SUPT3H: variants seen among roughly 807,000 people sequenced by gnomAD.
SUPT3H encodes transcription initiation protein SPT3 homolog.
Under a neutral mutation model 44.3 loss-of-function variants are expected in SUPT3H, and 44 were observed. That is an observed-to-expected ratio of 0.99 (90% confidence interval 0.78 to 1.28). SUPT3H has a LOEUF of 1.28. Among genes scored for constraint, SUPT3H ranks in the 50% most tolerant of loss-of-function variants. The pLI, the probability that SUPT3H is intolerant of heterozygous loss-of-function variation, is 0.00. For synonymous variants in SUPT3H, 124 were observed against 125.6 expected (o/e 0.99, Z 0.09); for missense variants, 380 against 387.1 (o/e 0.98, Z 0.15).
At chr6:45,369,367 C>T (rs1304957159) in intron 1 of SUPT3H, among the ~76,000 whole-genome samples, 2 of 152,122 alleles carry the variant, frequency 1.3e-5, no homozygotes, top group Non-Finnish European at 2.9e-5. Flanking sequence ...GATATGTAAA[C>T]AAAAGAAATT....
chr6:45,239,360 A>C (rs564829900), intron 2 of SUPT3H, among the ~76,000 whole-genome samples: 2 of 152,346 alleles, frequency 1.3e-5, no homozygotes, highest in African/African-American at 4.8e-5. Flanking sequence ...GCAGTATCTA[A>C]TGCTACACAC....
chr6:45,034,302 C>T (rs1432090544), intron 3 of SUPT3H, among the ~76,000 whole-genome samples: 1 of 151,866 alleles, frequency 6.6e-6, no homozygotes, highest in Non-Finnish European at 1.5e-5. Flanking sequence ...CTCAGAGCTC[C>T]CCAGTCCCCT....
chr6:45,123,333 C>A (rs1339665279), intron 2 of SUPT3H, among the ~76,000 whole-genome samples: 1 of 151,402 alleles, frequency 6.6e-6, no homozygotes, highest in Admixed American at 6.6e-5. Flanking sequence ...CAAAAATCAT[C>A]AATTTTTTTA....
chr6:45,284,860 C>T (rs917263399), intron 2 of SUPT3H, among the ~76,000 whole-genome samples: 11 of 152,094 alleles, frequency 7.2e-5, no homozygotes, highest in South Asian at 2.1e-4. Context: ...ACTGGCAAAC[C>T]GAATTCAGCA....
chr6:44,999,840 A>G (rs1346918930), intron 6 of SUPT3H, among the ~76,000 whole-genome samples: 1 of 151,928 alleles, frequency 6.6e-6, no homozygotes, highest in Non-Finnish European at 1.5e-5. Context: ...GTAACATAAA[A>G]TTATTGCCTT....
chr6:44,954,765 G>A (rs1283686884), intron 7 of SUPT3H, among the ~76,000 whole-genome samples, 158 bp from the exon 8 acceptor site: 1 of 152,142 alleles, frequency 6.6e-6, no homozygotes, highest in East Asian at 1.9e-4. Flanking sequence ...CTGGCCCCAA[G>A]AAATCCAAGT....
intron 2 of SUPT3H, among the ~76,000 whole-genome samples, chr6:45,294,475 G>C (rs199933975): frequency 2.6e-5 from 4 of 152,028 alleles, no homozygotes; most frequent in East Asian, 3.9e-4. Context: ...GAAAGTCCTA[G>C]CCAGAGCTAT....
intron 2 of SUPT3H, among the ~76,000 whole-genome samples, chr6:45,195,568 C>T (rs1239218839): frequency 2.0e-5 from 3 of 152,128 alleles, no homozygotes; most frequent in Non-Finnish European, 4.4e-5. Flanking sequence ...AATTTATTTT[C>T]AGGAGTTAAA....
At chr6:45,126,530 A>G (rs918210889) in intron 2 of SUPT3H, among the ~76,000 whole-genome samples, 2 of 152,256 alleles carry the variant, frequency 1.3e-5, no homozygotes, top group Non-Finnish European at 2.9e-5. Context: ...GCTGCTATAC[A>G]CACAGTGCAC....
chr6:44,845,683 C>T (rs1771742295), intron 10 of SUPT3H, among the ~76,000 whole-genome samples: 1 of 152,180 alleles, frequency 6.6e-6, no homozygotes, highest in Non-Finnish European at 1.5e-5. Flanking sequence ...GAGGAACACA[C>T]TGGCAGAAGA....
At chr6:45,352,951 A>C (rs1031186856) in intron 2 of SUPT3H, among the ~76,000 whole-genome samples, 5 of 152,104 alleles carry the variant, frequency 3.3e-5, no homozygotes, top group Admixed American at 3.3e-4. Context: ...AATTGAGGGA[A>C]TAGTTTGGCT....
chr6:44,821,006 G>A (rs1422533991), intron 11 of SUPT3H, among the ~76,000 whole-genome samples: 1 of 152,038 alleles, frequency 6.6e-6, no homozygotes. Flanking sequence ...ATGTGCCACT[G>A]TGCCTGGCTA....
chr6:44,992,120 A>T (rs901263046), intron 6 of SUPT3H, among the ~76,000 whole-genome samples: 1 of 152,192 alleles, frequency 6.6e-6, no homozygotes, highest in African/African-American at 2.4e-5. Flanking sequence ...CTTAAATTCA[A>T]TGATATTTTA....
intron 3 of SUPT3H, among the ~76,000 whole-genome samples, chr6:45,045,010 G>A (rs1033453744): frequency 1.4e-4 from 21 of 152,024 alleles, no homozygotes; most frequent in African/African-American, 4.8e-4. Context: ...ATTATTTCAC[G>A]AGAGGAAAAA....
chr6:45,085,100 C>T (rs1324922617), intron 3 of SUPT3H, among the ~76,000 whole-genome samples: 1 of 151,758 alleles, frequency 6.6e-6, no homozygotes, highest in Non-Finnish European at 1.5e-5. Context: ...ACATAAATCC[C>T]TTAATCTGAA....
intron 2 of SUPT3H, among the ~76,000 whole-genome samples, chr6:45,128,772 A>G (rs1321652875): frequency 6.7e-6 from 1 of 149,252 alleles, no homozygotes; most frequent in Non-Finnish European, 1.5e-5. Context: ...TGCAACCTCT[A>G]CCTCCTGGGT....
At chr6:45,352,130 A>C (rs1792190697) in intron 2 of SUPT3H, among the ~76,000 whole-genome samples, 1 of 152,222 alleles carries the variant, frequency 6.6e-6, no homozygotes, top group South Asian at 2.1e-4. Flanking sequence ...TATAAGCAAA[A>C]GAAGTGTACT....
intron 2 of SUPT3H, among the ~76,000 whole-genome samples, chr6:45,286,478 G>C (rs1441998039): frequency 6.6e-6 from 1 of 152,066 alleles, no homozygotes; most frequent in Non-Finnish European, 1.5e-5. Context: ...GCAACCAAAA[G>C]ACACGTGAAA....
chr6:45,051,558 C>T (rs1461438490), intron 3 of SUPT3H, among the ~76,000 whole-genome samples: 1 of 151,094 alleles, frequency 6.6e-6, no homozygotes, highest in Non-Finnish European at 1.5e-5. Flanking sequence ...TGTATTTATA[C>T]ATATATCACA....
Sources: allele counts gnomAD v4.1 joint callset (sites outside exome capture counted in the v4.1 genomes callset), GRCh38; gene constraint gnomAD v4.1.1; transcripts MANE v1.5; gene names NCBI Gene and HGNC (gene_info 2026-07-23, HGNC 2026-07-21).